Variants in TIFAB observed in about 807,000 individuals in gnomAD.
TIFAB encodes the protein TIFA inhibitor.
For missense variants in TIFAB, 222 were observed against 203.6 expected, an observed-to-expected ratio of 1.09 and a Z score of -0.55; for synonymous variants, 116 against 95.2, an observed-to-expected ratio of 1.22 and a Z score of -1.27.
In TIFAB at chr5:135,447,393, T is replaced by C. The variant is rs1769290524; in HGVS notation, c.*2061A>G. On this transcript the variant is annotated 3_prime_UTR_variant, in exon 2 of 2. Transcript: ENST00000537858. The stretch of plus-strand genomic sequence containing the variant: ...TGAGTCTTCCTTAGCTCCGTGTGGA[T>C]GGTGAGCCCTCCTCTCTCAGGTCTC... 20 of 491,456 alleles carry C rather than the reference T, an allele frequency of 4.1e-5. 1 individual carries two copies. The South Asian group carries it at 4.5e-4, about 11-fold the overall frequency. The allele number at this position is 491,456 out of a possible 1,614,324, so 30.4% of individuals were successfully genotyped here. A position where few individuals can be genotyped will look rare whatever the true frequency, so the allele number is the denominator to read the frequency against.
At chr5:135,450,048 C>A in intron 1 of TIFAB, 99 bp from the exon 2 acceptor site, 1 of 1,441,022 alleles carries the variant, frequency 6.9e-7, no homozygotes, top group South Asian at 1.5e-5. Flanking sequence ...GGGCCCTGTG[C>A]CTGTTCATAC....
At position 135,449,821 on chromosome 5, in the gene TIFAB, C is replaced by G; in HGVS notation, c.119G>C (p.Arg40Pro). 6.2e-7 allele frequency: 1 copy of G among 1,609,350 alleles called. No homozygotes were observed. The highest frequency in any genetic ancestry group is 8.5e-7 in the Non-Finnish European group (1 of 1,176,640). The stretch of plus-strand genomic sequence containing the variant: ...CAGCTGGAGGTGGGCGTCCTGCCCC[C>G]GTCCGAGAAGCAGAGGGCTGGTATC... ...QHDTSPLLLG[R>P]GQDAHLQLQL... is the part of the protein sequence containing the mutation. The change falls in exon 2 of 2, where the codon CGG (arginine) becomes CCG (proline). Residue 40 changes from arginine (R) to proline (P), a missense_variant. Arg to Pro is a moderately radical substitution (Grantham distance 103, BLOSUM62 -2). Coordinates refer to ENST00000537858, the MANE Select transcript of TIFAB (RefSeq NM_001099221.2).
chr5:135,449,897 G>T lies in TIFAB; in HGVS notation c.43C>A (p.Pro15Thr), dbSNP rs1243027796. The T allele has an allele frequency of 6.4e-7, 1 of 1,562,076 alleles. No individual in the cohort carries two copies. Among genetic ancestry groups the T allele is most frequent in the Non-Finnish European group, 8.7e-7 (1 of 1,152,070 alleles). ...GCAAAGGCAGATGGGCCCAGCGTGG[G>T]ATGGTACAGGCTCACTCGCAGGACG... ...LTVLRVSLYH[P>T]TLGPSAFANV... is the part of the protein sequence containing the mutation. Residue 15 changes from proline to threonine, a missense_variant, in exon 2 of 2, where the codon CCC becomes ACC. Transcript: ENST00000537858.
rs760317727 is a variant in TIFAB at position 135,449,976 on chromosome 5, G to C, written c.-10-27C>G. 3 of 1,513,162 alleles carry C rather than the reference G, an allele frequency of 2.0e-6. No individual in the cohort carries two copies. The East Asian group carries it at 6.8e-5, about 34-fold the overall frequency. 93.7% of individuals were successfully genotyped at this position (1,513,162 alleles called of 1,614,324 possible). ...TGGGAAGTTGGAACATGGACACACA[G>C]GCTCAGCTTCAGTCAGAGACCTCTG... On this transcript the variant is annotated intron_variant, in intron 1 of 1. Coordinates refer to ENST00000537858, the MANE Select transcript of TIFAB (RefSeq NM_001099221.2).
intron 1 of TIFAB, among the ~76,000 whole-genome samples, chr5:135,451,047 C>T (rs778937167): frequency 1.3e-5 from 2 of 152,210 alleles, no homozygotes; most frequent in Non-Finnish European, 2.9e-5. Flanking sequence ...TCTTCCTGCC[C>T]CTGAGGCCTC....
intron 1 of TIFAB, among the ~76,000 whole-genome samples, chr5:135,451,670 G>A (rs66807285): frequency 0.09 from 13,710 of 152,038 alleles, 930 homozygotes; most frequent in African/African-American, 0.19. Flanking sequence ...TTTCAGTAGA[G>A]ACGGGGTTTC....
Position 135,449,505 on chromosome 5 carries a change from A to T in TIFAB, c.435T>A (p.Thr145=). The T allele has an allele frequency of 6.2e-7, 1 of 1,614,186 alleles. No homozygotes were observed. The highest frequency in any genetic ancestry group is 1.1e-5 in the South Asian group (1 of 91,086). ...CCTGGGAGATGCCTTCCCATTCGTC[A>T]GTTTCCTCAGCCTCAGGTCTGTAAA... is the stretch of plus-strand genomic sequence containing the variant. The part of the protein sequence containing the change: ...PLIYRPEAEE[T]DEWEGISQGQ... The change falls in exon 2 of 2, where the codon ACT becomes ACA. Residue 145 remains threonine (T), a synonymous_variant. Coordinates refer to ENST00000537858, the MANE Select transcript of TIFAB (RefSeq NM_001099221.2).
chr5:135,447,735 A>T lies in TIFAB; in HGVS notation c.*1719T>A, dbSNP rs1282474961. On this transcript the variant is annotated 3_prime_UTR_variant, in exon 2 of 2. Transcript: ENST00000537858. ...AACAGGCAAGGCCACTTAACAAGAG[A>T]ATGTGAGCCCAGCTGGAGGAGAGAG... 1 of 155,448 alleles carries T rather than the reference A, an allele frequency of 6.4e-6. No homozygotes were observed. Among genetic ancestry groups the T allele is most frequent in the African/African-American group, 2.4e-5 (1 of 41,444 alleles). 9.6% of individuals were successfully genotyped at this position (155,448 alleles called of 1,614,324 possible).
chr5:135,446,745 G>A lies in TIFAB; in HGVS notation c.*2709C>T, dbSNP rs764087048. On this transcript the variant is annotated 3_prime_UTR_variant, in exon 2 of 2. Coordinates refer to ENST00000537858, the MANE Select transcript of TIFAB (RefSeq NM_001099221.2). Reference sequence around the variant, plus strand: ...TTCCGGGCTCCCTCCCGCCTGGTCTGGCCTGTCTTCCTTCTGCTGCTATGC... The same window carrying A: ...TTCCGGGCTCCCTCCCGCCTGGTCTAGCCTGTCTTCCTTCTGCTGCTATGC... 6.2e-7 allele frequency: 1 copy of A among 1,613,946 alleles called. No homozygotes were observed. The highest frequency in any genetic ancestry group is 8.5e-7 in the Non-Finnish European group (1 of 1,179,858).
In TIFAB at chr5:135,449,070, G is replaced by A. The variant is rs1769321454; in HGVS notation, c.*384C>T. On this transcript the variant is annotated 3_prime_UTR_variant, in exon 2 of 2. Coordinates refer to ENST00000537858, the MANE Select transcript of TIFAB (RefSeq NM_001099221.2). ...AAAGTAACTCCTAGTCAGACAACAG[G>A]GAGAAATGTGTGGAAATGCTGAGAG... 4.4e-6 allele frequency: 1 copy of A among 226,992 alleles called. No individual in the cohort carries two copies. Among genetic ancestry groups the A allele is most frequent in the Non-Finnish European group, 8.9e-6 (1 of 112,852 alleles). The allele number at this position is 226,992 out of a possible 1,614,324, so 14.1% of individuals were successfully genotyped here.
In TIFAB at chr5:135,446,488, C is replaced by G; in HGVS notation, c.*2966G>C. On this transcript the variant is annotated 3_prime_UTR_variant, in exon 2 of 2. Coordinates refer to ENST00000537858, the MANE Select transcript of TIFAB (RefSeq NM_001099221.2). ...CTGAGCAGGTGAGGGATAGTGATAT[C>G]AAGTGCGAAGACCAGGCCCTGAAGC... 1 of 1,614,000 alleles carries G rather than the reference C, an allele frequency of 6.2e-7. No individual in the cohort carries two copies. Among genetic ancestry groups the G allele is most frequent in the Non-Finnish European group, 8.5e-7 (1 of 1,179,896 alleles).
rs1769225814 is a variant in TIFAB at position 135,444,773 on chromosome 5, CAA to C, written c.*4679_*4680del. Reference sequence around the variant, plus strand: ...GGGAGACCTGGAAACAGCCCCTTGACAAAGTCTTGCTCTACACGTTTCTGTAG... The same window carrying C: ...GGGAGACCTGGAAACAGCCCCTTGACAGTCTTGCTCTACACGTTTCTGTAG... On this transcript the variant is annotated 3_prime_UTR_variant, in exon 2 of 2. Coordinates refer to ENST00000537858, the MANE Select transcript of TIFAB (RefSeq NM_001099221.2). 1 of 152,198 alleles carries C rather than the reference CAA, an allele frequency of 6.6e-6. No homozygotes were observed. The highest frequency in any genetic ancestry group is 1.5e-5 in the Non-Finnish European group (1 of 68,040). 9.4% of individuals were successfully genotyped at this position (152,198 alleles called of 1,614,324 possible).
rs111735669 is a variant in TIFAB at position 135,447,130 on chromosome 5, A to G, written c.*2324T>C. The G allele has an allele frequency of 2.2e-3, 3,483 of 1,613,904 alleles. 75 individuals carry two copies. In the African/African-American group the frequency reaches 0.04, roughly 18 times the overall value. On this transcript the variant is annotated 3_prime_UTR_variant, in exon 2 of 2. Transcript: ENST00000537858. ...GCATAGTTGGGGGACCATTTTGGTCAGTGACAGATCACTGCTGCTTTTCAT... is the reference window on the plus strand; with the variant it reads ...GCATAGTTGGGGGACCATTTTGGTCGGTGACAGATCACTGCTGCTTTTCAT...
Position 135,446,337 on chromosome 5 carries a change from T to C in TIFAB, c.*3117A>G. On this transcript the variant is annotated 3_prime_UTR_variant, in exon 2 of 2. Coordinates refer to ENST00000537858, the MANE Select transcript of TIFAB (RefSeq NM_001099221.2). ...ACTGTATGTTCGTGTTTAGTGTATGTCTGTGCATACTTGCGTGTGTGCACA... is the reference window on the plus strand; with the variant it reads ...ACTGTATGTTCGTGTTTAGTGTATGCCTGTGCATACTTGCGTGTGTGCACA... 1 of 1,558,554 alleles carries C rather than the reference T, an allele frequency of 6.4e-7. No homozygotes were observed. Among genetic ancestry groups the C allele is most frequent in the Admixed American group, 1.8e-5 (1 of 55,276 alleles).
chr5:135,446,027 C>T lies in TIFAB; in HGVS notation c.*3427G>A. On this transcript the variant is annotated 3_prime_UTR_variant, in exon 2 of 2. Transcript: ENST00000537858. ...AGTGTAGACTGGGTCCATGTGCCTACATGCATTCAGTTCCTCCCACCAAAC... is the reference window on the plus strand; with the variant it reads ...AGTGTAGACTGGGTCCATGTGCCTATATGCATTCAGTTCCTCCCACCAAAC... 1 of 200,542 alleles carries T rather than the reference C, an allele frequency of 5.0e-6. No homozygotes were observed. The highest frequency in any genetic ancestry group is 1.1e-4 in the South Asian group (1 of 8,790). 12.4% of individuals were successfully genotyped at this position (200,542 alleles called of 1,614,324 possible).
In TIFAB at chr5:135,447,814, C is replaced by A. The variant is rs1214034711; in HGVS notation, c.*1640G>T. On this transcript the variant is annotated 3_prime_UTR_variant, in exon 2 of 2. Transcript: ENST00000537858. Reference sequence around the variant, plus strand: ...TAGTAGTGATCAAATAAGTAATGCACTCCTGAATGCTTGACTTTCCTGAGT... The same window carrying A: ...TAGTAGTGATCAAATAAGTAATGCAATCCTGAATGCTTGACTTTCCTGAGT... 2.6e-5 allele frequency: 4 copies of A among 152,318 alleles called. No individual in the cohort carries two copies. The highest frequency in any genetic ancestry group is 4.8e-5 in the African/African-American group (2 of 41,462). The allele number at this position is 152,318 out of a possible 1,614,324, so 9.4% of individuals were successfully genotyped here.
chr5:135,451,077 T>C (rs1228999489), intron 1 of TIFAB, among the ~76,000 whole-genome samples: 1 of 152,250 alleles, frequency 6.6e-6, no homozygotes, highest in East Asian at 1.9e-4. Flanking sequence ...GGGTATGGTC[T>C]GGGCTGTGGT....
At position 135,449,428 on chromosome 5, in the gene TIFAB, G is replaced by C; in HGVS notation, c.*26C>G. On this transcript the variant is annotated 3_prime_UTR_variant, in exon 2 of 2. Transcript: ENST00000537858. ...TGTCCCAAGTCTGGGAAGGGCCGTGGAGAAACCCCAGGCAACCTGGATCTG... is the reference window on the plus strand; with the variant it reads ...TGTCCCAAGTCTGGGAAGGGCCGTGCAGAAACCCCAGGCAACCTGGATCTG... 1 of 1,608,794 alleles carries C rather than the reference G, an allele frequency of 6.2e-7. No homozygotes were observed.
chr5:135,446,029 T>C lies in TIFAB; in HGVS notation c.*3425A>G, dbSNP rs1056467716. 6.9e-5 allele frequency: 14 copies of C among 204,014 alleles called. No homozygotes were observed. Among genetic ancestry groups the C allele is most frequent in the Admixed American group, 6.4e-4 (12 of 18,830 alleles). 12.6% of individuals were successfully genotyped at this position (204,014 alleles called of 1,614,324 possible). A position where few individuals can be genotyped will look rare whatever the true frequency, so the allele number is the denominator to read the frequency against. ...TGTAGACTGGGTCCATGTGCCTACA[T>C]GCATTCAGTTCCTCCCACCAAACTG... On this transcript the variant is annotated 3_prime_UTR_variant, in exon 2 of 2. Coordinates refer to ENST00000537858, the MANE Select transcript of TIFAB (RefSeq NM_001099221.2).
Sources: allele counts gnomAD v4.1 joint callset (sites outside exome capture counted in the v4.1 genomes callset), GRCh38; gene constraint gnomAD v4.1.1; transcripts MANE v1.5; gene names NCBI Gene and HGNC (gene_info 2026-07-23, HGNC 2026-07-21).